SH3BP2: variants seen among roughly 807,000 people sequenced by gnomAD.
SH3BP2 encodes the protein SH3 domain binding protein 2.
SH3BP2 carries 38 observed loss-of-function variants against 56.2 expected under a neutral mutation model. The ratio of observed to expected loss-of-function variants is 0.68; its 90% CI spans 0.52 to 0.89. SH3BP2 has a LOEUF of 0.89. SH3BP2 is among the 40% of genes least tolerant of loss of function. The pLI, the probability that SH3BP2 is intolerant of heterozygous loss-of-function variation, is 0.00. For missense variants in SH3BP2, 748 were observed against 762.6 expected (o/e 0.98, Z 0.23); for synonymous variants, 346 against 316.7 (o/e 1.09, Z -0.98).
At chr4:2,820,825 C>T (rs1724263367) in intron 2 of SH3BP2, 72 bp downstream of exon 2, 13 of 1,453,690 alleles carry the variant, frequency 8.9e-6, no homozygotes, top group Non-Finnish European at 1.2e-5. Context: ...AGTAAGCATC[C>T]TCTCCAAGCC....
intron 12 of SH3BP2, 68 bp from the exon 13 acceptor site, chr4:2,833,629 G>T (rs1725119738): frequency 6.4e-7 from 1 of 1,558,452 alleles, no homozygotes; most frequent in East Asian, 2.4e-5. Flanking sequence ...TTACAGACGG[G>T]GAGACTGAGG....
At chr4:2,830,832 G>A (rs1027310089) in intron 8 of SH3BP2, among the ~76,000 whole-genome samples, 1 of 152,232 alleles carries the variant, frequency 6.6e-6, no homozygotes, top group East Asian at 1.9e-4. Context: ...TTTCGCATGG[G>A]TGTGCTGGCC....
At position 2,831,237 on chromosome 4, in the gene SH3BP2, G is replaced by C. The variant is rs1024356334; in HGVS notation, c.1242-334G>C. Among the ~76,000 whole-genome samples, 1 of 152,202 alleles carries C rather than the reference G, an allele frequency of 6.6e-6. No homozygotes were observed. Among genetic ancestry groups the C allele is most frequent in the African/African-American group, 2.4e-5 (1 of 41,446 alleles). ...ACTCCCCTGTGGCTCTGAGTGGGCT[G>C]TGATTTGGCCATGACCGGACCTCCC... On this transcript the variant is annotated intron_variant, in intron 8 of 12. Transcript: ENST00000503393. The surrounding 1 kb of genome is among the most constrained non-coding windows in gnomAD (Gnocchi z 4.1).
intron 1 of SH3BP2, among the ~76,000 whole-genome samples, chr4:2,804,642 T>C (rs1327026017): frequency 6.6e-6 from 1 of 152,096 alleles, no homozygotes; most frequent in Non-Finnish European, 1.5e-5. Flanking sequence ...CCCTGCCCCC[T>C]CCACAGAGGC....
chr4:2,822,179 A>G (rs1724345601), intron 2 of SH3BP2, among the ~76,000 whole-genome samples: 2 of 147,192 alleles, frequency 1.4e-5, no homozygotes, highest in South Asian at 4.4e-4. Flanking sequence ...TATTATTTTT[A>G]TGTCTCACTC....
chr4:2,799,418 C>A, intron 1 of SH3BP2: 1 of 410,984 alleles, frequency 2.4e-6, no homozygotes, highest in Non-Finnish European at 3.3e-6. Context: ...CTACTTGGGG[C>A]AGGGGCTCTC....
At chr4:2,830,216 A>C in intron 8 of SH3BP2, 69 bp downstream of exon 8, 1 of 1,426,858 alleles carries the variant, frequency 7.0e-7, no homozygotes, top group Non-Finnish European at 9.5e-7. Context: ...TCTGACGGGC[A>C]CTCTGCCCAC....
chr4:2,802,526 ATATG>A (rs1441086981), intron 1 of SH3BP2, among the ~76,000 whole-genome samples: 4 of 85,064 alleles, frequency 4.7e-5, no homozygotes, highest in Non-Finnish European at 9.0e-5. Context: ...GTGTATATAT[ATATG>A]TATGTGTGTG....
Position 2,829,392 on chromosome 4 carries a change from C to G in SH3BP2, c.587-101C>G. 1 of 1,283,030 alleles carries G rather than the reference C, an allele frequency of 7.8e-7. No individual in the cohort carries two copies. Among genetic ancestry groups the G allele is most frequent in the South Asian group, 1.2e-5 (1 of 84,166 alleles). 79.5% of individuals were successfully genotyped at this position (1,283,030 alleles called of 1,614,324 possible). ...TGGGCAGGCTGTGGGGTGGGCCTAC[C>G]ATGGGTTGCACTCCTGGTTGGCCTG... On this transcript the variant is annotated intron_variant, in intron 7 of 12. Transcript: ENST00000503393. The surrounding 1 kb of genome is among the most constrained non-coding windows in gnomAD (Gnocchi z 4.9).
chr4:2,816,597 T>G (rs1724011509), intron 1 of SH3BP2, among the ~76,000 whole-genome samples: 1 of 152,252 alleles, frequency 6.6e-6, no homozygotes, highest in African/African-American at 2.4e-5. Flanking sequence ...GAACCCTTTA[T>G]CAGATTGAGG....
In SH3BP2 at chr4:2,829,780, C is replaced by T. The variant is rs746025620; in HGVS notation, c.874C>T (p.Arg292Trp). 2.5e-5 allele frequency: 40 copies of T among 1,613,096 alleles called. No individual in the cohort carries two copies. Among genetic ancestry groups the T allele is most frequent in the Middle Eastern group, 1.6e-4 (1 of 6,084 alleles). ...CACCATGCCCACCGCACCCGGCCTC[C>T]GGAAACCCCCTTGCTTCCGGGAGAG... ...LSTMPTAPGL[R>W]KPPCFRESAS... Residue 292 changes from arginine (R) to tryptophan (W), a missense_variant, in exon 8 of 13, where the codon CGG becomes TGG. Transcript: ENST00000503393. The surrounding 1 kb of genome is among the most constrained non-coding windows in gnomAD (Gnocchi z 4.9).
At chr4:2,830,381 A>T (rs1174019291) in intron 8 of SH3BP2, among the ~76,000 whole-genome samples, 1 of 151,644 alleles carries the variant, frequency 6.6e-6, no homozygotes, top group Non-Finnish European at 1.5e-5. Context: ...TTTCTTTTTG[A>T]GACAGGGTCT....
Position 2,832,974 on chromosome 4 carries a change from C to T in SH3BP2, c.1489-16C>T, listed in dbSNP as rs568904047. 44 of 1,614,050 alleles carry T rather than the reference C, an allele frequency of 2.7e-5. 1 individual carries two copies. The highest frequency in any genetic ancestry group is 8.9e-5 in the East Asian group (4 of 44,880). On this transcript the variant is annotated splice_polypyrimidine_tract_variant and intron_variant, in intron 11 of 12. Coordinates refer to ENST00000503393, the MANE Select transcript of SH3BP2 (RefSeq NM_001122681.2). ...GTTTCTCAGGGAGCCGTCAGCCTCC[C>T]GCTTCCGTCCTGTAGGTCCTGGTTG...
chr4:2,800,554 C>CA (rs201295209), intron 1 of SH3BP2, among the ~76,000 whole-genome samples: 79 of 152,022 alleles, frequency 5.2e-4, no homozygotes, highest in Non-Finnish European at 8.1e-4. Context: ...TGACCGCCCC[C>CA]CCCCCGGGCT....
chr4:2,839,534 C>T lies in SH3BP2; in HGVS notation c.*5700C>T, dbSNP rs1725348229. 1 of 152,006 alleles carries T rather than the reference C, an allele frequency of 6.6e-6. No homozygotes were observed. The highest frequency in any genetic ancestry group is 6.6e-5 in the Admixed American group (1 of 15,264). 9.4% of individuals were successfully genotyped at this position (152,006 alleles called of 1,614,324 possible). A position where few individuals can be genotyped will look rare whatever the true frequency, so the allele number is the denominator to read the frequency against. ...ATAATGTGTATTGCAAATATCTTCT[C>T]TAACTCTGGCTTGACTGTTTATGGT... is the stretch of plus-strand genomic sequence containing the variant. On this transcript the variant is annotated 3_prime_UTR_variant, in exon 13 of 13. Transcript: ENST00000503393.
intron 1 of SH3BP2, among the ~76,000 whole-genome samples, chr4:2,805,398 C>T (rs1226559022): frequency 6.6e-6 from 1 of 152,160 alleles, no homozygotes; most frequent in East Asian, 1.9e-4. Context: ...AGGGGTCCCC[C>T]GAGATGGAAG....
intron 1 of SH3BP2, among the ~76,000 whole-genome samples, chr4:2,802,202 C>A (rs906093168): frequency 6.6e-6 from 1 of 152,138 alleles, no homozygotes; most frequent in Admixed American, 6.6e-5. Context: ...AGTTCAAGAC[C>A]AGCCTGGCCA....
chr4:2,816,577 G>C (rs1190872259), intron 1 of SH3BP2, among the ~76,000 whole-genome samples: 1 of 152,150 alleles, frequency 6.6e-6, no homozygotes, highest in Non-Finnish European at 1.5e-5. Flanking sequence ...TTAGCTGTGG[G>C]TTTTTCATAG....
chr4:2,822,012 A>G (rs543203933), intron 2 of SH3BP2, among the ~76,000 whole-genome samples: 1 of 150,192 alleles, frequency 6.7e-6, no homozygotes, highest in Non-Finnish European at 1.5e-5. Flanking sequence ...GGATTACAGG[A>G]GTGTGCCACC....
Sources: allele counts gnomAD v4.1 joint callset (sites outside exome capture counted in the v4.1 genomes callset), GRCh38; gene constraint gnomAD v4.1.1; non-coding constraint Gnocchi (gnomAD v3.1); transcripts MANE v1.5; gene names NCBI Gene and HGNC (gene_info 2026-07-23, HGNC 2026-07-21).